The following ACOXL variants were observed in gnomAD, a reference collection of about 807,000 sequenced individuals.
The protein encoded by ACOXL is acyl-coenzyme A oxidase-like protein.
A neutral mutation model predicts 71.9 loss-of-function variants in ACOXL; 70 were observed. That is an observed-to-expected ratio of 0.97 (90% CI 0.80 to 1.19). The LOEUF is 1.19. Ranked by LOEUF, ACOXL falls within the 50% of genes most tolerant of loss-of-function variation. The probability of loss-of-function intolerance (pLI) is 0.00; values close to 1 mark genes in which losing one functional copy is unlikely to be tolerated. For synonymous variants in ACOXL, 253 were observed against 281.6 expected, an observed-to-expected ratio of 0.90 and a Z score of 1.02; for missense variants, 703 against 736.3, an observed-to-expected ratio of 0.95 and a Z score of 0.52.
intron 14 of ACOXL, among the ~76,000 whole-genome samples, chr2:111,010,761 G>T (rs2064112130): frequency 6.6e-6 from 1 of 152,152 alleles, no homozygotes; most frequent in Non-Finnish European, 1.5e-5. Context: ...ATTAGAAATT[G>T]TATAGCCAAA....
intron 10 of ACOXL, among the ~76,000 whole-genome samples, chr2:110,892,248 A>G (rs1698004243): frequency 6.6e-6 from 1 of 152,198 alleles, no homozygotes; most frequent in Non-Finnish European, 1.5e-5. Flanking sequence ...CAGGTAATAG[A>G]TTAGGCAGAC....
At chr2:111,062,869 CAA>C (rs929750932) in intron 16 of ACOXL, among the ~76,000 whole-genome samples, 3 of 152,102 alleles carry the variant, frequency 2.0e-5, no homozygotes, top group East Asian at 1.9e-4. Context: ...AACAACGAAA[CAA>C]AGAGCTAGAT....
intron 10 of ACOXL, among the ~76,000 whole-genome samples, chr2:110,858,282 A>G (rs896896883): frequency 6.6e-6 from 1 of 152,168 alleles, no homozygotes; most frequent in Admixed American, 6.5e-5. Context: ...TGCATCTGAC[A>G]TCCTTTCGAT....
intron 13 of ACOXL, among the ~76,000 whole-genome samples, chr2:110,995,242 G>A (rs182882506): frequency 3.3e-5 from 5 of 151,972 alleles, no homozygotes. Flanking sequence ...GCTCATGCCT[G>A]TAATCCCAGC....
At chr2:110,979,855 G>A (rs1224695128) in intron 12 of ACOXL, among the ~76,000 whole-genome samples, 1 of 152,170 alleles carries the variant, frequency 6.6e-6, no homozygotes, top group Non-Finnish European at 1.5e-5. Flanking sequence ...ACTGACCATC[G>A]CTTTGGGGGA....
At chr2:110,799,642 G>T (rs1685716875) in intron 7 of ACOXL, among the ~76,000 whole-genome samples, 1 of 152,206 alleles carries the variant, frequency 6.6e-6, no homozygotes, top group South Asian at 2.1e-4. Context: ...GTGATGAGAG[G>T]TGAAGCCAGC....
intron 8 of ACOXL, among the ~76,000 whole-genome samples, chr2:110,803,536 A>C (rs779874527): frequency 6.6e-6 from 1 of 152,216 alleles, no homozygotes; most frequent in Non-Finnish European, 1.5e-5. Context: ...TGGATCACAG[A>C]CCTAAATGTA....
At chr2:110,829,123 T>C (rs1689515294) in intron 9 of ACOXL, among the ~76,000 whole-genome samples, 1 of 152,220 alleles carries the variant, frequency 6.6e-6, no homozygotes. Context: ...TCTTGCTATT[T>C]AAATGTCTGT....
intron 12 of ACOXL, among the ~76,000 whole-genome samples, chr2:110,958,852 T>C (rs1356160725): frequency 6.6e-6 from 1 of 152,214 alleles, no homozygotes; most frequent in Non-Finnish European, 1.5e-5. Context: ...TGTCAGCTGT[T>C]GGAGGGCTGC....
chr2:110,822,129 C>T (rs1323235772), intron 9 of ACOXL, among the ~76,000 whole-genome samples: 1 of 152,088 alleles, frequency 6.6e-6, no homozygotes, highest in African/African-American at 2.4e-5. Flanking sequence ...GATTAGGGTG[C>T]TAGGTGTTTC....
At chr2:110,993,460 T>G (rs962204372) in intron 13 of ACOXL, among the ~76,000 whole-genome samples, 1 of 152,230 alleles carries the variant, frequency 6.6e-6, no homozygotes, top group African/African-American at 2.4e-5. Flanking sequence ...TGTTGTTGTG[T>G]GTATTAGTTT....
At chr2:110,767,582 T>C (rs1159060581) in intron 1 of ACOXL, among the ~76,000 whole-genome samples, 4 of 152,188 alleles carry the variant, frequency 2.6e-5, no homozygotes, top group African/African-American at 4.8e-5. Flanking sequence ...ATGGTGAATG[T>C]AATTACCATC....
At chr2:111,107,473 G>A (rs1165196389) in intron 17 of ACOXL, among the ~76,000 whole-genome samples, 2 of 152,006 alleles carry the variant, frequency 1.3e-5, no homozygotes, top group Non-Finnish European at 2.9e-5. Flanking sequence ...TGTTGTTGTT[G>A]GTTTTTTTGG....
At position 111,002,751 on chromosome 2, in the gene ACOXL, C is replaced by T. The variant is rs568676938; in HGVS notation, c.1281+6747C>T. Among the ~76,000 whole-genome samples, 7 of 152,158 alleles carry T rather than the reference C, an allele frequency of 4.6e-5. 1 individual carries two copies. The highest frequency in any genetic ancestry group is 1.7e-4 in the African/African-American group (7 of 41,530). On this transcript the variant is annotated intron_variant, in intron 14 of 17. Transcript: ENST00000439055. ...TTTATTTTTTTCCCATTCCCCCTACCCTCCATATTTTTTATTTTATTAATA... is the reference window on the plus strand; with the variant it reads ...TTTATTTTTTTCCCATTCCCCCTACTCTCCATATTTTTTATTTTATTAATA...
In ACOXL at chr2:110,801,726, T is replaced by C. The variant is rs12105002; in HGVS notation, c.620+2T>C. 1.9e-5 allele frequency: 31 copies of C among 1,613,350 alleles called. No individual in the cohort carries two copies. The African/African-American group carries it at 4.0e-4, about 21-fold the overall frequency. ...ACCCAGGGAGAACCTGCTGGATAAGTGAGTAGTTTCTCCTTAACTCAGGTC... is the reference window on the plus strand; with the variant it reads ...ACCCAGGGAGAACCTGCTGGATAAGCGAGTAGTTTCTCCTTAACTCAGGTC... On this transcript the variant is annotated splice_donor_variant, in intron 8 of 17. Transcript: ENST00000439055. LOFTEE classifies it high-confidence loss of function.
At chr2:110,960,313 A>G (rs1444000227) in intron 12 of ACOXL, among the ~76,000 whole-genome samples, 1 of 152,216 alleles carries the variant, frequency 6.6e-6, no homozygotes, top group African/African-American at 2.4e-5. Flanking sequence ...GAAATGACAC[A>G]TTGTATGTAG....
chr2:110,807,031 G>A (rs1461035140), intron 9 of ACOXL, among the ~76,000 whole-genome samples: 1 of 152,212 alleles, frequency 6.6e-6, no homozygotes, highest in African/African-American at 2.4e-5. Flanking sequence ...CCTGTTCTCC[G>A]TTCTACTGGA....
intron 8 of ACOXL, among the ~76,000 whole-genome samples, chr2:110,804,048 G>A (rs1294556957): frequency 1.3e-5 from 2 of 148,666 alleles, no homozygotes; most frequent in Non-Finnish European, 3.0e-5. Context: ...GTGCAGTGGT[G>A]TAATCTTGGC....
chr2:111,072,093 G>A (rs1468510064), intron 16 of ACOXL, among the ~76,000 whole-genome samples: 1 of 152,206 alleles, frequency 6.6e-6, no homozygotes, highest in Admixed American at 6.5e-5. Context: ...GACACTTAGA[G>A]AATGCAGCCG....
Sources: allele counts gnomAD v4.1 joint callset (sites outside exome capture counted in the v4.1 genomes callset), GRCh38; gene constraint gnomAD v4.1.1; transcripts MANE v1.5; gene names NCBI Gene and HGNC (gene_info 2026-07-23, HGNC 2026-07-21).